The following IGF2BP3 variants were observed in gnomAD, a reference collection of about 807,000 sequenced individuals.
The protein encoded by IGF2BP3 is insulin-like growth factor 2 mRNA-binding protein 3.
Under a neutral mutation model 73.8 loss-of-function variants are expected in IGF2BP3, and 9 were observed. That is an observed-to-expected ratio of 0.12 (90% CI 0.07 to 0.21). The LOEUF (loss-of-function observed/expected upper bound fraction) is 0.21, where lower values mean the gene tolerates loss of function less well. IGF2BP3 is among the 10% of genes least tolerant of loss of function. The pLI is 1.00. For missense variants in IGF2BP3, 542 were observed against 714.0 expected (o/e 0.76, Z 2.75); for synonymous variants, 258 against 256.7 (o/e 1.01, Z -0.05).
chr7:23,420,941 CAT>C (rs1459215124), intron 2 of IGF2BP3, among the ~76,000 whole-genome samples: 19 of 152,154 alleles, frequency 1.2e-4, no homozygotes, highest in Non-Finnish European at 2.9e-5. Flanking sequence ...CAAAATAACT[CAT>C]GTGGTAATAA....
intron 10 of IGF2BP3, among the ~76,000 whole-genome samples, chr7:23,328,682 G>C (rs1784365917): frequency 6.6e-6 from 1 of 152,182 alleles, no homozygotes; most frequent in African/African-American, 2.4e-5. Context: ...GCAAGAATTT[G>C]TCTAGGAATT....
rs1400371701 is a variant in IGF2BP3 at position 23,469,826 on chromosome 7, C to A, written c.175+110G>T. ...GTGGGTGTGGGCGCTCAGGCCTCAC[C>A]CCCGCTCCCCCAGCGCGCCGGGCCT... On this transcript the variant is annotated intron_variant, in intron 1 of 14. Coordinates refer to ENST00000258729, the MANE Select transcript of IGF2BP3 (RefSeq NM_006547.3). This position sits in a 1 kb window ranked among gnomAD's most constrained non-coding sequence, Gnocchi z 6.1. 4 of 633,932 alleles carry A rather than the reference C, an allele frequency of 6.3e-6. No individual in the cohort carries two copies. The African/African-American group carries it at 7.7e-5, about 12-fold the overall frequency. 39.3% of individuals were successfully genotyped at this position (633,932 alleles called of 1,614,324 possible). A position where few individuals can be genotyped will look rare whatever the true frequency, so the allele number is the denominator to read the frequency against.
At chr7:23,317,571 G>A in intron 12 of IGF2BP3, 68 bp downstream of exon 12, 1 of 1,147,508 alleles carries the variant, frequency 8.7e-7, no homozygotes, top group South Asian at 1.2e-5. Context: ...ATTTAAGGGA[G>A]ACGCCAGGTT....
At chr7:23,398,007 T>C (rs780425450) in intron 3 of IGF2BP3, among the ~76,000 whole-genome samples, 1 of 152,018 alleles carries the variant, frequency 6.6e-6, no homozygotes, top group Non-Finnish European at 1.5e-5. Flanking sequence ...GAGGCTGAAG[T>C]GGTACACTTT....
intron 3 of IGF2BP3, among the ~76,000 whole-genome samples, chr7:23,385,494 A>C (rs1320897911): frequency 1.3e-5 from 2 of 152,152 alleles, no homozygotes; most frequent in Non-Finnish European, 2.9e-5. Flanking sequence ...ACTGCTCTAA[A>C]TCTAACCACC....
intron 7 of IGF2BP3, chr7:23,346,266 A>G (rs1784825758): frequency 3.9e-6 from 2 of 515,070 alleles, no homozygotes; most frequent in South Asian, 2.7e-5. Flanking sequence ...GTTAACTTCT[A>G]AAATAGTTCT....
At chr7:23,453,873 T>C (rs147450998) in intron 2 of IGF2BP3, among the ~76,000 whole-genome samples, 10 of 152,286 alleles carry the variant, frequency 6.6e-5, no homozygotes, top group African/African-American at 2.2e-4. Context: ...TTCTTTGAAA[T>C]AGGATCTCAC....
At chr7:23,445,083 A>T (rs10950942) in intron 2 of IGF2BP3, among the ~76,000 whole-genome samples, 25,628 of 152,096 alleles carry the variant, frequency 0.17, 2,451 homozygotes, top group South Asian at 0.27. Context: ...AATAAAACAA[A>T]ACAGTAAGGT....
chr7:23,390,579 C>G (rs1247037313), intron 3 of IGF2BP3, among the ~76,000 whole-genome samples: 2 of 152,160 alleles, frequency 1.3e-5, no homozygotes, highest in East Asian at 3.9e-4. Context: ...TCCAGGACCT[C>G]CCACTCTGGC....
intron 10 of IGF2BP3, among the ~76,000 whole-genome samples, chr7:23,333,652 A>C (rs1301404343): frequency 6.6e-6 from 1 of 152,258 alleles, no homozygotes; most frequent in Non-Finnish European, 1.5e-5. Flanking sequence ...TGAAGAATCA[A>C]TGTGTAGACT....
intron 10 of IGF2BP3, among the ~76,000 whole-genome samples, chr7:23,338,874 G>A (rs1784640196): frequency 6.6e-6 from 1 of 152,218 alleles, no homozygotes. Flanking sequence ...GGAAATATAT[G>A]ATTTGGATAA....
intron 3 of IGF2BP3, among the ~76,000 whole-genome samples, chr7:23,375,911 T>A (rs1785702722): frequency 6.6e-6 from 1 of 152,186 alleles, no homozygotes; most frequent in South Asian, 2.1e-4. Context: ...TGGGGCCTTA[T>A]AATAAAATTC....
At chr7:23,356,273 C>G (rs1233973261) in intron 5 of IGF2BP3, among the ~76,000 whole-genome samples, 2 of 152,144 alleles carry the variant, frequency 1.3e-5, no homozygotes, top group Non-Finnish European at 2.9e-5. Flanking sequence ...AAATTTCATG[C>G]CTGGCTGGGT....
chr7:23,429,389 T>C (rs76434762), intron 2 of IGF2BP3, among the ~76,000 whole-genome samples: 8,731 of 152,214 alleles, frequency 0.057, 711 homozygotes, highest in African/African-American at 0.18. Flanking sequence ...CAGAAGTAAT[T>C]TAATTTGTCT....
intron 2 of IGF2BP3, among the ~76,000 whole-genome samples, chr7:23,435,492 C>T (rs577220973): frequency 2.0e-5 from 3 of 150,712 alleles, no homozygotes; most frequent in South Asian, 4.2e-4. Context: ...CTCGCTCTGT[C>T]GCCCAGGCTG....
intron 10 of IGF2BP3, among the ~76,000 whole-genome samples, chr7:23,322,740 A>G (rs1016557565): frequency 2.6e-5 from 4 of 152,252 alleles, no homozygotes; most frequent in Non-Finnish European, 5.9e-5. Context: ...AAACTCTACA[A>G]GCCAGAAGAG....
intron 10 of IGF2BP3, among the ~76,000 whole-genome samples, chr7:23,329,924 T>C (rs1475859070): frequency 6.6e-6 from 1 of 152,238 alleles, no homozygotes; most frequent in African/African-American, 2.4e-5. Flanking sequence ...AACCTGGGTT[T>C]CTCTATCTCC....
chr7:23,325,950 C>T (rs1352444840), intron 10 of IGF2BP3, among the ~76,000 whole-genome samples: 3 of 152,168 alleles, frequency 2.0e-5, no homozygotes, highest in African/African-American at 7.2e-5. Context: ...AAGACTTAAA[C>T]GTTAGACCTA....
At chr7:23,345,502 T>A (rs1253155250) in intron 8 of IGF2BP3, among the ~76,000 whole-genome samples, 1 of 152,222 alleles carries the variant, frequency 6.6e-6, no homozygotes, top group Non-Finnish European at 1.5e-5. Context: ...CAGCATCAAC[T>A]TGTCAGCAGC....
Sources: gnomAD v4.1 joint callset for allele counts (sites outside exome capture counted in the v4.1 genomes callset) on GRCh38, gnomAD v4.1.1 for gene constraint, Gnocchi (gnomAD v3.1) non-coding constraint, MANE v1.5 for transcripts, NCBI Gene and HGNC (gene_info 2026-07-23, HGNC 2026-07-21) for gene names.